The following SPON1 variants were observed in gnomAD, a reference collection of about 807,000 sequenced individuals.
The protein encoded by SPON1 is spondin 1.
In SPON1, 52 loss-of-function variants were observed where a neutral mutation model predicts 111.7. The ratio of observed to expected loss-of-function variants is 0.47; its 90% CI spans 0.37 to 0.59. SPON1 has a LOEUF of 0.59. SPON1 is among the 20% of genes least tolerant of loss of function. The pLI, the probability that SPON1 is intolerant of heterozygous loss-of-function variation, is 0.00. For missense variants in SPON1, 957 were observed against 1,068.5 expected (o/e 0.90, Z 1.46); for synonymous variants, 410 against 395.8 (o/e 1.04, Z -0.43).
intron 6 of SPON1, among the ~76,000 whole-genome samples, chr11:14,147,691 A>G (rs138074908): frequency 3.3e-5 from 5 of 151,756 alleles, no homozygotes; most frequent in African/African-American, 1.2e-4. Context: ...TGCTGGTATT[A>G]TAGGCATGAG....
At position 14,034,083 on chromosome 11, in the gene SPON1, G is replaced by A. The variant is rs989766122; in HGVS notation, c.346-7438G>A. On this transcript the variant is annotated intron_variant, in intron 2 of 15. Coordinates refer to ENST00000576479, the MANE Select transcript of SPON1 (RefSeq NM_006108.4). ...TCCAAGCTACTCAGGAGGCTGAAGC[G>A]AGAGGATTACTTGAACCCAGGAGTT... is the stretch of plus-strand genomic sequence containing the variant. Among the ~76,000 whole-genome samples, 12 of 152,250 alleles carry A rather than the reference G, an allele frequency of 7.9e-5. No homozygotes were observed. The East Asian group carries it at 1.3e-3, about 17-fold the overall frequency.
chr11:14,202,321 A>G (rs1554935726), intron 6 of SPON1, among the ~76,000 whole-genome samples: 1 of 152,208 alleles, frequency 6.6e-6, no homozygotes, highest in Non-Finnish European at 1.5e-5. Flanking sequence ...CATCTCCCTC[A>G]TCTTGCAGTC....
chr11:14,248,152 C>T (rs782552612), intron 7 of SPON1, among the ~76,000 whole-genome samples: 7 of 152,014 alleles, frequency 4.6e-5, no homozygotes, highest in Non-Finnish European at 1.0e-4. Flanking sequence ...ATCAAGGCTA[C>T]AGGAAGCCCT....
Position 13,962,809 on chromosome 11 carries a change from G to T in SPON1, c.-96G>T. ...CAGCTCCGAGCTCCCTCTCTCCGCC[G>T]CGCCTCCGCCAGGTCGCGCCTTCGT... On this transcript the variant is annotated 5_prime_UTR_variant, in exon 1 of 16. Transcript: ENST00000576479. 8.4e-7 allele frequency: 1 copy of T among 1,183,432 alleles called. No homozygotes were observed. The highest frequency in any genetic ancestry group is 1.1e-6 in the Non-Finnish European group (1 of 894,146). The allele number at this position is 1,183,432 out of a possible 1,614,324, so 73.3% of individuals were successfully genotyped here. A position where few individuals can be genotyped will look rare whatever the true frequency, so the allele number is the denominator to read the frequency against.
At chr11:14,147,636 C>G (rs897180631) in intron 6 of SPON1, among the ~76,000 whole-genome samples, 13 of 151,962 alleles carry the variant, frequency 8.6e-5, no homozygotes, top group Non-Finnish European at 1.9e-4. Context: ...AGGCTGGTCT[C>G]GAACTCCCGA....
intron 2 of SPON1, among the ~76,000 whole-genome samples, chr11:14,035,765 G>T (rs1848590238): frequency 6.6e-6 from 1 of 152,032 alleles, no homozygotes; most frequent in African/African-American, 2.4e-5. Flanking sequence ...CCACAAGTGT[G>T]CACCATCACA....
At chr11:14,138,520 A>G (rs1461646475) in intron 6 of SPON1, among the ~76,000 whole-genome samples, 1 of 152,102 alleles carries the variant, frequency 6.6e-6, no homozygotes, top group Non-Finnish European at 1.5e-5. Context: ...CTTTCGTGGA[A>G]GGACAAAGGC....
At chr11:13,973,910 T>G (rs1848082488) in intron 1 of SPON1, among the ~76,000 whole-genome samples, 1 of 152,152 alleles carries the variant, frequency 6.6e-6, no homozygotes, top group Non-Finnish European at 1.5e-5. Flanking sequence ...ATGCATGATC[T>G]TCAGTTTGAG....
chr11:14,204,844 C>T (rs1181998529), intron 6 of SPON1, among the ~76,000 whole-genome samples: 2 of 151,986 alleles, frequency 1.3e-5, no homozygotes, highest in African/African-American at 2.4e-5. Flanking sequence ...GCCACCACCC[C>T]CGGCTAATTT....
intron 6 of SPON1, among the ~76,000 whole-genome samples, chr11:14,213,385 T>C (rs1848595367): frequency 6.6e-6 from 1 of 151,968 alleles, no homozygotes; most frequent in Admixed American, 6.6e-5. Context: ...TTGTTTCTCA[T>C]TCCTTTTTTT....
chr11:14,049,776 G>A (rs2133817732), intron 3 of SPON1, among the ~76,000 whole-genome samples: 1 of 152,194 alleles, frequency 6.6e-6, no homozygotes, highest in African/African-American at 2.4e-5. Flanking sequence ...CTCATTTAGG[G>A]CCAAAACCTG....
At chr11:14,219,602 G>A (rs1848659430) in intron 6 of SPON1, among the ~76,000 whole-genome samples, 1 of 152,160 alleles carries the variant, frequency 6.6e-6, no homozygotes, top group South Asian at 2.1e-4. Context: ...GGGTCATATT[G>A]TAGCCTGCTT....
chr11:14,138,978 T>A (rs529499408), intron 6 of SPON1, among the ~76,000 whole-genome samples: 59 of 152,230 alleles, frequency 3.9e-4, no homozygotes, highest in African/African-American at 1.3e-3. Flanking sequence ...CCTCTGATTC[T>A]CCTCCTGTTG....
intron 3 of SPON1, among the ~76,000 whole-genome samples, chr11:14,045,345 G>A (rs1256416206): frequency 6.6e-6 from 1 of 152,284 alleles, no homozygotes; most frequent in East Asian, 1.9e-4. Context: ...CGAGCCGAGA[G>A]GGGGGCAGAT....
intron 3 of SPON1, among the ~76,000 whole-genome samples, chr11:14,071,720 CT>C (rs34458930): frequency 1.3e-5 from 2 of 151,372 alleles, no homozygotes; most frequent in African/African-American, 2.4e-5. Context: ...ATAATCTAAC[CT>C]TTTTTTTTGA....
chr11:13,970,566 G>A (rs1848055028), intron 1 of SPON1, among the ~76,000 whole-genome samples: 2 of 152,140 alleles, frequency 1.3e-5, no homozygotes, highest in African/African-American at 2.4e-5. Flanking sequence ...GGTGATTCTA[G>A]GTGCTACAGG....
chr11:14,211,892 G>A (rs937651637), intron 6 of SPON1, among the ~76,000 whole-genome samples: 1 of 151,416 alleles, frequency 6.6e-6, no homozygotes, highest in Non-Finnish European at 1.5e-5. Context: ...TTTGTCTAAA[G>A]CAATATTATG....
intron 6 of SPON1, among the ~76,000 whole-genome samples, chr11:14,220,344 T>C (rs1026537918): frequency 1.6e-4 from 24 of 152,174 alleles, no homozygotes; most frequent in Admixed American, 1.3e-4. Context: ...ACAAAACTCT[T>C]GAATTCAACT....
Position 13,982,903 on chromosome 11 carries a change from A to G in SPON1, c.295A>G (p.Arg99Gly), listed in dbSNP as rs781827806. Reference protein sequence around the residue: ...YFRGFTLIALRENREGDKEED... With the variant: ...YFRGFTLIALGENREGDKEED... ...CAGAGGATTCACATTAATTGCCCTC[A>G]GAGAGAACAGAGAGGGTGATAAGGA... Residue 99 changes from arginine to glycine, a missense_variant, in exon 2 of 16, where the codon AGA becomes GGA. Physicochemically the swap from Arg to Gly is moderately radical, Grantham distance 125. Around this residue, in one of 5 missense-constraint regions of SPON1, gnomAD observed 262 missense variants for 253.9 expected, o/e 1.03. Transcript: ENST00000576479. The G allele has an allele frequency of 1.2e-5, 19 of 1,559,886 alleles. No individual in the cohort carries two copies. Among genetic ancestry groups the G allele is most frequent in the South Asian group, 1.2e-4 (10 of 84,462 alleles).
Sources: gnomAD v4.1 joint callset for allele counts (sites outside exome capture counted in the v4.1 genomes callset) on GRCh38, gnomAD v4.1.1 for gene constraint, gnomAD v4.1.1 regional missense constraint, MANE v1.5 for transcripts, NCBI Gene and HGNC (gene_info 2026-07-23, HGNC 2026-07-21) for gene names.